VSTM1: variants seen among roughly 807,000 people sequenced by gnomAD.
VSTM1 encodes the protein V-set and transmembrane domain-containing protein 1.
In VSTM1, 27 loss-of-function variants were observed where a neutral mutation model predicts 33.1. That is an observed-to-expected ratio of 0.82 (90% CI 0.60 to 1.12). The LOEUF (loss-of-function observed/expected upper bound fraction) is 1.12, where lower values mean the gene tolerates loss of function less well. Ranked by LOEUF, VSTM1 falls within the 50% of genes most tolerant of loss-of-function variation. VSTM1 has a pLI of 0.00. For synonymous variants in VSTM1, 115 were observed against 110.3 expected (o/e 1.04, Z -0.27); for missense variants, 304 against 288.9 (o/e 1.05, Z -0.38).
rs933660144 is a variant in VSTM1, at chr19:54,041,026, C to G, written c.646G>C (p.Glu216Gln). 2 of 1,608,990 alleles carry G rather than the reference C, an allele frequency of 1.2e-6. No individual in the cohort carries two copies. The highest frequency in any genetic ancestry group is 1.7e-6 in the Non-Finnish European group (2 of 1,178,434). Residue 216 changes from glutamate (E) to glutamine (Q), a missense_variant, in exon 9 of 9, where the codon GAG becomes CAG. Coordinates refer to ENST00000338372, the MANE Select transcript of VSTM1 (RefSeq NM_198481.4). Reference sequence around the variant, plus strand: ...TCCTGGGTGGTGTCTGAAGCTGCCTCAGACAGGGCGCTGGTGCTTAGCTCA... The same window carrying G: ...TCCTGGGTGGTGTCTGAAGCTGCCTGAGACAGGGCGCTGGTGCTTAGCTCA... ...YAELSTSALS[E>Q]AASDTTQEPP...
intron 4 of VSTM1, among the ~76,000 whole-genome samples, chr19:54,044,064 C>T (rs928601500): frequency 6.6e-6 from 1 of 152,064 alleles, no homozygotes. Flanking sequence ...ACCACCACGC[C>T]CAGCCAACTT....
intron 8 of VSTM1, among the ~76,000 whole-genome samples, chr19:54,041,299 T>TTTTA (rs1180335854): frequency 1.3e-5 from 2 of 151,930 alleles, no homozygotes; most frequent in Non-Finnish European, 2.9e-5. Flanking sequence ...TTTTTTAAAT[T>TTTTA]TTTATTTATT....
At chr19:54,044,661 C>T (rs1179079325) in intron 4 of VSTM1, among the ~76,000 whole-genome samples, 3 of 152,184 alleles carry the variant, frequency 2.0e-5, no homozygotes, top group African/African-American at 7.2e-5. Flanking sequence ...TGCAAGTCTA[C>T]ATCATAGCGT....
intron 4 of VSTM1, among the ~76,000 whole-genome samples, chr19:54,050,862 G>T (rs1199198029): frequency 6.6e-6 from 1 of 151,318 alleles, no homozygotes; most frequent in African/African-American, 2.4e-5. Context: ...TATGGTGGTG[G>T]GTGCCTGTAA....
At chr19:54,060,643 CA>C (rs1166366057) in intron 1 of VSTM1, among the ~76,000 whole-genome samples, 4 of 152,188 alleles carry the variant, frequency 2.6e-5, no homozygotes, top group Admixed American at 2.6e-4. Context: ...AGATTCATGT[CA>C]TCTCATCTCT....
In VSTM1 at chr19:54,042,819, TATATATATATATATATATAC is replaced by T. The variant is rs1229690880; in HGVS notation, c.395-470_395-451del. 2.6e-4 allele frequency among the ~76,000 whole-genome samples: 13 copies of T among 50,318 alleles called. No individual in the cohort carries two copies. The East Asian group carries it at 3.0e-3, about 12-fold the overall frequency. 33.0% of individuals were successfully genotyped at this position (50,318 alleles called of 152,430 possible). A position where few individuals can be genotyped will look rare whatever the true frequency, so the allele number is the denominator to read the frequency against. The stretch of plus-strand genomic sequence containing the variant: ...ATATATAAATGTGTATATATATATA[TATATATATATATATATATAC>T]ATATATATATATATATACACACTTT... On this transcript the variant is annotated intron_variant, in intron 4 of 8. Coordinates refer to ENST00000338372, the MANE Select transcript of VSTM1 (RefSeq NM_198481.4).
chr19:54,046,128 A>G (rs1440154965), intron 4 of VSTM1, among the ~76,000 whole-genome samples: 1 of 151,988 alleles, frequency 6.6e-6, no homozygotes, highest in African/African-American at 2.4e-5. Context: ...CTACTTATCT[A>G]CCTATCATCT....
rs1211179462 is a variant in VSTM1 at position 54,056,627 on chromosome 19, C to G, written c.355+1679G>C. 5.0e-5 allele frequency among the ~76,000 whole-genome samples: 7 copies of G among 140,394 alleles called. 1 individual carries two copies. Among genetic ancestry groups the G allele is most frequent in the Admixed American group, 4.4e-4 (6 of 13,572 alleles). The allele number at this position is 140,394 out of a possible 152,430, so 92.1% of individuals were successfully genotyped here. On this transcript the variant is annotated intron_variant, in intron 3 of 8. Coordinates refer to ENST00000338372, the MANE Select transcript of VSTM1 (RefSeq NM_198481.4). ...CCTGGTGCTTCCCCACATACTCCCC[C>G]CAGTATAGCCTTCCTCCTCCTCTTG...
In VSTM1 at chr19:54,063,762, G is replaced by A. The variant is rs968309914; in HGVS notation, c.16C>T (p.Leu6Phe). MTAEF[L>F]SLLCLGLCLG... ...GACTCACCGAGGCAAAGCAGGGAGA[G>A]GAATTCTGCGGTCATAGCGTCCCTT... The change falls in exon 1 of 9, where the codon CTC becomes TTC. Residue 6 changes from leucine to phenylalanine, a missense_variant. Coordinates refer to ENST00000338372, the MANE Select transcript of VSTM1 (RefSeq NM_198481.4). 1 of 1,613,870 alleles carries A rather than the reference G, an allele frequency of 6.2e-7. No homozygotes were observed. The highest frequency in any genetic ancestry group is 2.2e-5 in the East Asian group (1 of 44,862).
chr19:54,052,445 C>T (rs1244070479), intron 3 of VSTM1, among the ~76,000 whole-genome samples: 1 of 141,780 alleles, frequency 7.1e-6, no homozygotes, highest in African/African-American at 2.6e-5. Context: ...ATATCACCTA[C>T]TCACCAGTCC....
Position 54,060,867 on chromosome 19 carries a change from T to C in VSTM1, c.35-2135A>G, listed in dbSNP as rs927671155. On this transcript the variant is annotated intron_variant, in intron 1 of 8. Transcript: ENST00000338372. ...CACCACGCTGGCTGATTTTAAAATT[T>C]TTTTGTAGAGATGAGGACTCACGAT... Among the ~76,000 whole-genome samples the C allele has an allele frequency of 2.6e-5, 4 of 151,890 alleles. 1 individual carries two copies. Among genetic ancestry groups the C allele is most frequent in the Admixed American group, 2.6e-4 (4 of 15,212 alleles).
chr19:54,045,612 T>TATCTATC (rs1217747111), intron 4 of VSTM1, among the ~76,000 whole-genome samples: 1 of 115,312 alleles, frequency 8.7e-6, no homozygotes, highest in African/African-American at 3.5e-5. Context: ...CATAACCAGT[T>TATCTATC]ATCTATCATC....
Position 54,058,319 on chromosome 19 carries a change from C to A in VSTM1, c.342G>T (p.Gln114His), listed in dbSNP as rs764789564. 1 of 1,613,910 alleles carries A rather than the reference C, an allele frequency of 6.2e-7. No individual in the cohort carries two copies. ...HEWSESSEHL[Q>H]LVVTDKHDEL... ...TGCCCTTCTCACCTGTGACCACCAG[C>A]TGCAAGTGTTCACTGCTTTCTGACC... is the stretch of plus-strand genomic sequence containing the variant. Residue 114 changes from glutamine (Q) to histidine (H), a missense_variant, in exon 3 of 9, where the codon CAG becomes CAT. By Grantham distance (24) the Gln-to-His change is conservative. Transcript: ENST00000338372.
chr19:54,049,724 A>G (rs1474379738), intron 4 of VSTM1, among the ~76,000 whole-genome samples: 1 of 152,102 alleles, frequency 6.6e-6, no homozygotes, highest in East Asian at 1.9e-4. Context: ...TCCCAAGCCT[A>G]CTATCATGGA....
intron 3 of VSTM1, 145 bp downstream of exon 3, chr19:54,058,161 A>AC: frequency 1.2e-6 from 1 of 866,842 alleles, no homozygotes; most frequent in South Asian, 1.8e-5. Flanking sequence ...AATTGCTTGA[A>AC]CCCAGGAGGC....
chr19:54,058,890 CAT>C (rs1451237205), intron 1 of VSTM1, among the ~76,000 whole-genome samples, 158 bp from the exon 2 acceptor site: 1 of 147,384 alleles, frequency 6.8e-6, no homozygotes, highest in African/African-American at 2.5e-5. Flanking sequence ...TATATGTACA[CAT>C]ATTACATATA....
rs139186362 is a variant in VSTM1 at position 54,058,409 on chromosome 19, C to T, written c.252G>A (p.Thr84=). 402 of 1,613,918 alleles carry T rather than the reference C, an allele frequency of 2.5e-4. No homozygotes were observed. Among genetic ancestry groups the T allele is most frequent in the South Asian group, 1.6e-3 (147 of 91,070 alleles). ...TCCCAGCATCCTTAGGCTTCAGGTC[C>T]GTGAAGGGGAATTCAGCTTCGTTTT... The part of the protein sequence containing the change: ...SAENEAEFPF[T]DLKPKDAGRY... The change falls in exon 3 of 9, where the codon ACG becomes ACA. Residue 84 remains threonine, a synonymous_variant. Transcript: ENST00000338372.
At chr19:54,048,401 C>T (rs973143860) in intron 4 of VSTM1, 37 of 362,696 alleles carry the variant, frequency 1.0e-4, no homozygotes, top group African/African-American at 7.5e-4. Context: ...CAGACGTGAG[C>T]CACTGCGCCC....
chr19:54,063,108 CG>C (rs2071476143), intron 1 of VSTM1, among the ~76,000 whole-genome samples: 1 of 152,020 alleles, frequency 6.6e-6, no homozygotes, highest in Non-Finnish European at 1.5e-5. Flanking sequence ...GAGGCTGAGG[CG>C]GGCGGATCAC....
Sources: allele counts gnomAD v4.1 joint callset (sites outside exome capture counted in the v4.1 genomes callset), GRCh38; gene constraint gnomAD v4.1.1; transcripts MANE v1.5; gene names NCBI Gene and HGNC (gene_info 2026-07-23, HGNC 2026-07-21).